FRYL: variants seen among roughly 807,000 people sequenced by gnomAD.
The protein encoded by FRYL is protein furry homolog-like.
FRYL carries 150 observed loss-of-function variants against 351.2 expected under a neutral mutation model. That is an observed-to-expected ratio of 0.43 (90% CI 0.37 to 0.49). FRYL has a LOEUF of 0.49. Among genes scored for constraint, FRYL ranks in the 20% least tolerant of loss-of-function variants. The pLI is 0.00. For synonymous variants in FRYL, 1,153 were observed against 1,257.1 expected (o/e 0.92, Z 1.75); for missense variants, 3,036 against 3,619.3 (o/e 0.84, Z 4.13).
intron 47 of FRYL, among the ~76,000 whole-genome samples, chr4:48,536,784 A>G (rs886263442): frequency 9.2e-5 from 14 of 152,212 alleles, no homozygotes; most frequent in African/African-American, 3.1e-4. Flanking sequence ...TTTGGTAAAG[A>G]AACTGTCCTT....
intron 1 of FRYL, among the ~76,000 whole-genome samples, chr4:48,758,135 G>C (rs914787737): frequency 6.6e-6 from 1 of 152,130 alleles, no homozygotes; most frequent in African/African-American, 2.4e-5. Context: ...TAAAACCCTA[G>C]AAGAAAACCT....
Position 48,586,696 on chromosome 4 carries a change from C to A in FRYL, c.1673G>T (p.Arg558Ile). The change falls in exon 19 of 64, where the codon AGA becomes ATA. Residue 558 changes from arginine (R) to isoleucine (I), a missense_variant. Arg to Ile is a moderately conservative substitution (Grantham distance 97). This residue lies in a region of FRYL where 78 missense variants were observed against 106.6 expected (regional missense o/e 0.73). Coordinates refer to ENST00000358350, the MANE Select transcript of FRYL (RefSeq NM_015030.2). ...CCTTGGAATCGCAGCAATACAAGTTCTAAACAAATCAATCTTGGGTTTTCT... is the reference window on the plus strand; with the variant it reads ...CCTTGGAATCGCAGCAATACAAGTTATAAACAAATCAATCTTGGGTTTTCT... ...GERKPKIDLFRTCIAAIPRLI... is the reference protein window; with the variant it reads ...GERKPKIDLFITCIAAIPRLI... The A allele has an allele frequency of 6.2e-7, 1 of 1,609,974 alleles. No homozygotes were observed.
intron 3 of FRYL, among the ~76,000 whole-genome samples, chr4:48,674,812 T>A (rs1269574652): frequency 6.6e-6 from 1 of 150,414 alleles, no homozygotes; most frequent in Non-Finnish European, 1.5e-5. Context: ...ACACAACTGT[T>A]GTCTAATTAT....
At chr4:48,569,188 T>G (rs1418913512) in intron 27 of FRYL, among the ~76,000 whole-genome samples, 2 of 152,204 alleles carry the variant, frequency 1.3e-5, no homozygotes, top group Non-Finnish European at 2.9e-5. Flanking sequence ...CCAAAGAAGA[T>G]TCAGATGTGT....
chr4:48,598,746 G>T, intron 13 of FRYL: 3 of 504,928 alleles, frequency 5.9e-6, no homozygotes, highest in Non-Finnish European at 7.7e-6. Flanking sequence ...GACATGCAAT[G>T]CAACAATGGG....
chr4:48,607,377 A>C (rs1747080079), intron 9 of FRYL, among the ~76,000 whole-genome samples: 1 of 152,200 alleles, frequency 6.6e-6, no homozygotes, highest in Non-Finnish European at 1.5e-5. Context: ...ATATGGATAC[A>C]TGACTGAAAT....
At chr4:48,698,930 C>A (rs1020848319) in intron 2 of FRYL, among the ~76,000 whole-genome samples, 8 of 151,912 alleles carry the variant, frequency 5.3e-5, no homozygotes, top group Non-Finnish European at 1.2e-4. Flanking sequence ...CCCTAGAAAT[C>A]CAAGTTAATT....
chr4:48,748,307 C>T (rs1345656606), intron 1 of FRYL, among the ~76,000 whole-genome samples: 3 of 152,038 alleles, frequency 2.0e-5, no homozygotes, highest in African/African-American at 4.8e-5. Context: ...GACATCCATT[C>T]GCCACTCCTG....
chr4:48,565,086 G>A (rs1477932374), intron 29 of FRYL, 43 bp from the exon 30 acceptor site: 2 of 1,155,768 alleles, frequency 1.7e-6, no homozygotes, highest in Admixed American at 4.5e-5. Flanking sequence ...AAATTTAAGA[G>A]GTTAAATGTT....
chr4:48,612,679 C>T lies in FRYL; in HGVS notation c.412-2856G>A, dbSNP rs571416000. ...CTGCAAGCTCCACCTCTTGGGTTCACGCCATTCTCCTGCCTCAGCCTCCCA... is the reference window on the plus strand; with the variant it reads ...CTGCAAGCTCCACCTCTTGGGTTCATGCCATTCTCCTGCCTCAGCCTCCCA... On this transcript the variant is annotated intron_variant, in intron 7 of 63. Transcript: ENST00000358350. Among the ~76,000 whole-genome samples, 11 of 152,186 alleles carry T rather than the reference C, an allele frequency of 7.2e-5. No individual in the cohort carries two copies. In the East Asian group the frequency reaches 7.7e-4, roughly 11 times the overall value.
At chr4:48,731,786 A>C (rs1770757679) in intron 1 of FRYL, among the ~76,000 whole-genome samples, 1 of 152,216 alleles carries the variant, frequency 6.6e-6, no homozygotes, top group Non-Finnish European at 1.5e-5. Context: ...AATCAACTCG[A>C]GATGGATCAA....
chr4:48,563,279 TAAAAA>T (rs775777275), intron 31 of FRYL, among the ~76,000 whole-genome samples: 1 of 126,258 alleles, frequency 7.9e-6, no homozygotes, highest in Admixed American at 7.9e-5. Flanking sequence ...GCTGATGAAC[TAAAAA>T]AAAAAAAAAA....
rs112466000 is a variant in FRYL, at chr4:48,703,949, C to T, written c.-204+6570G>A. On this transcript the variant is annotated intron_variant, in intron 2 of 63. Transcript: ENST00000358350. ...ATCTGGGAAAATGGCAATACCATTA[C>T]CTGATAAAGGGAACACAGGTTTGTG... 4.5e-3 allele frequency among the ~76,000 whole-genome samples: 681 copies of T among 152,188 alleles called. 4 individuals carry two copies. Among genetic ancestry groups the T allele is most frequent in the African/African-American group, 0.015 (632 of 41,536 alleles).
chr4:48,520,010 C>T (rs956893806), intron 55 of FRYL, among the ~76,000 whole-genome samples: 1 of 152,182 alleles, frequency 6.6e-6, no homozygotes, highest in African/African-American at 2.4e-5. Flanking sequence ...GGATTACAGG[C>T]GTAAGCCACA....
chr4:48,645,152 A>ATATATATATATATATATATATC (rs1560778580), intron 3 of FRYL, among the ~76,000 whole-genome samples: 1 of 114,796 alleles, frequency 8.7e-6, no homozygotes, highest in South Asian at 2.8e-4. Context: ...ATATATATAT[A>ATATATATATATATATATATATC]TATCAGACTG....
intron 3 of FRYL, among the ~76,000 whole-genome samples, chr4:48,679,801 C>T (rs1578700515): frequency 1.3e-5 from 2 of 151,892 alleles, no homozygotes; most frequent in South Asian, 4.1e-4. Context: ...TGAATATGTA[C>T]AATTATGATG....
At chr4:48,559,378 C>T (rs1175824911) in intron 33 of FRYL, among the ~76,000 whole-genome samples, 7 of 148,760 alleles carry the variant, frequency 4.7e-5, no homozygotes, top group Admixed American at 6.7e-5. Context: ...GGGCCCGAGA[C>T]GGTACCCTAG....
intron 1 of FRYL, among the ~76,000 whole-genome samples, chr4:48,717,285 C>T (rs1377611664): frequency 6.6e-6 from 1 of 150,420 alleles, no homozygotes; most frequent in Admixed American, 6.7e-5. Flanking sequence ...TAAAAAAAAA[C>T]AAAAAAACAT....
chr4:48,694,818 T>G (rs150891201), intron 2 of FRYL, among the ~76,000 whole-genome samples: 1 of 152,248 alleles, frequency 6.6e-6, no homozygotes, highest in African/African-American at 2.4e-5. Context: ...ACTCCTGTAA[T>G]CTCAGCACTT....
Sources: allele counts gnomAD v4.1 joint callset (sites outside exome capture counted in the v4.1 genomes callset), GRCh38; gene constraint gnomAD v4.1.1; regional missense constraint gnomAD v4.1.1; transcripts MANE v1.5; gene names NCBI Gene and HGNC (gene_info 2026-07-23, HGNC 2026-07-21).